Variants in PDE1C observed in about 807,000 individuals in gnomAD.
PDE1C encodes the protein dual specificity calcium/calmodulin-dependent 3',5'-cyclic nucleotide phosphodiesterase 1C.
In PDE1C, 62 loss-of-function variants were observed where a neutral mutation model predicts 93.1. The observed-to-expected ratio is 0.67, with a 90% CI of 0.54 to 0.82. The LOEUF (loss-of-function observed/expected upper bound fraction) is 0.82, where lower values mean the gene tolerates loss of function less well. Ranked by LOEUF, PDE1C falls within the 40% of genes least tolerant of loss-of-function variation. The probability of loss-of-function intolerance (pLI) is 0.00; values close to 1 mark genes in which losing one functional copy is unlikely to be tolerated. For synonymous variants in PDE1C, 325 were observed against 310.1 expected, an observed-to-expected ratio of 1.05 and a Z score of -0.50; for missense variants, 742 against 884.6, an observed-to-expected ratio of 0.84 and a Z score of 2.04.
chr7:32,005,578 A>AAC (rs1554461616), intron 2 of PDE1C, among the ~76,000 whole-genome samples: 2,459 of 103,710 alleles, frequency 0.024, 388 homozygotes, highest in African/African-American at 0.097. Context: ...AAAAAAAAAA[A>AAC]AAAGAATTGT....
At chr7:32,385,669 G>A (rs1386140869) in intron 1 of PDE1C, among the ~76,000 whole-genome samples, 2 of 152,182 alleles carry the variant, frequency 1.3e-5, no homozygotes, top group Admixed American at 6.5e-5. Context: ...GAAAGTGCCT[G>A]GAACAATGTC....
intron 3 of PDE1C, among the ~76,000 whole-genome samples, chr7:32,102,908 A>C (rs1798106976): frequency 6.6e-6 from 1 of 152,190 alleles, no homozygotes; most frequent in South Asian, 2.1e-4. Context: ...CACATAGAGA[A>C]GCCAGAATTG....
intron 1 of PDE1C, among the ~76,000 whole-genome samples, chr7:32,274,044 C>T (rs756532628): frequency 6.6e-6 from 1 of 151,806 alleles, no homozygotes; most frequent in Non-Finnish European, 1.5e-5. Context: ...AGCAGGAAAG[C>T]TTGAAGATAG....
At chr7:32,086,676 A>G (rs1797101582) in intron 3 of PDE1C, among the ~76,000 whole-genome samples, 1 of 152,220 alleles carries the variant, frequency 6.6e-6, no homozygotes, top group African/African-American at 2.4e-5. Context: ...AATGGAACAG[A>G]ACAGAGCACT....
chr7:32,135,600 G>T (rs568631464), intron 3 of PDE1C, among the ~76,000 whole-genome samples: 3 of 152,242 alleles, frequency 2.0e-5, no homozygotes, highest in South Asian at 2.1e-4. Context: ...CTATTATCAA[G>T]AAGACAAGGG....
In PDE1C at chr7:32,070,398, G is replaced by T. The variant is rs1209193141; in HGVS notation, c.-5C>A. The T allele has an allele frequency of 3.1e-6, 5 of 1,614,112 alleles. No homozygotes were observed. The East Asian group carries it at 1.1e-4, about 36-fold the overall frequency. On this transcript the variant is annotated 5_prime_UTR_variant, in exon 1 of 18. Coordinates refer to ENST00000396191, the MANE Select transcript of PDE1C (RefSeq NM_001191057.4). ...CTCCTTGGTTGGCGACTCCATAGCT[G>T]CAGGTAGGTGACCACTGGCGGTGAA...
chr7:31,791,708 T>A (rs970211612), intron 16 of PDE1C, among the ~76,000 whole-genome samples: 2 of 152,040 alleles, frequency 1.3e-5, no homozygotes, highest in African/African-American at 4.8e-5. Context: ...TAGAGACAGA[T>A]AGCTGGGGAC....
chr7:32,214,230 T>A (rs1806259852), intron 1 of PDE1C, among the ~76,000 whole-genome samples: 1 of 152,026 alleles, frequency 6.6e-6, no homozygotes, highest in South Asian at 2.1e-4. Flanking sequence ...TATATATATA[T>A]AAAATATGTT....
At chr7:32,215,016 C>T (rs1001150300) in intron 1 of PDE1C, among the ~76,000 whole-genome samples, 1 of 139,996 alleles carries the variant, frequency 7.1e-6, no homozygotes, top group African/African-American at 2.5e-5. Context: ...TTCCTTGGTC[C>T]TGTGGCAGAT....
intron 1 of PDE1C, among the ~76,000 whole-genome samples, chr7:32,377,795 T>A (rs1784457560): frequency 6.6e-6 from 1 of 152,138 alleles, no homozygotes; most frequent in Non-Finnish European, 1.5e-5. Context: ...AGTTACAAAA[T>A]TCATGCCCTC....
At chr7:32,412,121 A>C (rs191587478) in intron 1 of PDE1C, among the ~76,000 whole-genome samples, 1 of 152,264 alleles carries the variant, frequency 6.6e-6, no homozygotes, top group Admixed American at 6.5e-5. Flanking sequence ...CTTTATTTTT[A>C]ATAAGTAGAG....
chr7:32,298,425 C>A lies in PDE1C; in HGVS notation c.85+226G>T, dbSNP rs923667378. On this transcript the variant is annotated intron_variant, in intron 1 of 18. Coordinates refer to the PDE1C transcript ENST00000396193. ...AGGTGTGATGCTGAAAACCAGCTTC[C>A]GCGCGACGCCGGGTCGGAGCCCGCG... Among the ~76,000 whole-genome samples the A allele has an allele frequency of 2.6e-5, 4 of 152,238 alleles. No individual in the cohort carries two copies. The East Asian group carries it at 7.8e-4, about 30-fold the overall frequency.
intron 1 of PDE1C, among the ~76,000 whole-genome samples, chr7:32,246,723 A>G (rs565655984): frequency 3.3e-5 from 5 of 152,256 alleles, no homozygotes; most frequent in African/African-American, 1.2e-4. Context: ...TCTCCTAAAT[A>G]TCAGCTGTGT....
intron 7 of PDE1C, among the ~76,000 whole-genome samples, chr7:31,860,756 G>T (rs1794598714): frequency 6.6e-6 from 1 of 151,876 alleles, no homozygotes; most frequent in African/African-American, 2.4e-5. Context: ...GTGTTTAAAA[G>T]CTTAATTTTA....
chr7:31,812,721 T>A (rs763557543), intron 15 of PDE1C, among the ~76,000 whole-genome samples: 2 of 152,160 alleles, frequency 1.3e-5, no homozygotes, highest in Non-Finnish European at 2.9e-5. Flanking sequence ...GCCTAAAATA[T>A]TTACTATCTT....
At chr7:32,357,177 A>G (rs997091526) in intron 1 of PDE1C, among the ~76,000 whole-genome samples, 1 of 151,934 alleles carries the variant, frequency 6.6e-6, no homozygotes, top group African/African-American at 2.4e-5. Flanking sequence ...ATAAAAATAC[A>G]AAAAAAATTA....
intron 2 of PDE1C, among the ~76,000 whole-genome samples, chr7:31,910,063 A>G (rs1014060171): frequency 1.3e-5 from 2 of 152,182 alleles, no homozygotes; most frequent in Non-Finnish European, 2.9e-5. Context: ...GAGAACCACT[A>G]TTCTAGGGTA....
At chr7:31,912,622 C>T (rs368282560) in intron 2 of PDE1C, among the ~76,000 whole-genome samples, 24 of 151,992 alleles carry the variant, frequency 1.6e-4, no homozygotes, top group Admixed American at 1.4e-3. Flanking sequence ...GGGAGGTTGA[C>T]GCTGCAGTGA....
At chr7:31,620,938 G>C in the PDE1C span, among the ~76,000 whole-genome samples, 1 of 151,998 alleles carries the variant, frequency 6.6e-6, no homozygotes, top group Non-Finnish European at 1.5e-5. Flanking sequence ...GAAAGCCAAG[G>C]CTCAAGAACT....
Sources: gnomAD v4.1 joint callset for allele counts (sites outside exome capture counted in the v4.1 genomes callset) on GRCh38, gnomAD v4.1.1 for gene constraint, MANE v1.5 for transcripts, NCBI Gene and HGNC (gene_info 2026-07-23, HGNC 2026-07-21) for gene names.